Variants in DAP observed in about 807,000 individuals in gnomAD.
The protein encoded by DAP is death associated protein.
Under a neutral mutation model 13.8 loss-of-function variants are expected in DAP, and 8 were observed. The observed-to-expected ratio is 0.58, with a 90% CI of 0.34 to 1.05. DAP has a LOEUF of 1.05. DAP is among the 50% of genes least tolerant of loss of function. DAP has a pLI of 0.03. For missense variants in DAP, 106 were observed against 133.2 expected (o/e 0.80, Z 1.01); for synonymous variants, 47 against 47.5 (o/e 0.99, Z 0.04).
intron 2 of DAP, among the ~76,000 whole-genome samples, chr5:10,708,566 T>A (rs1011692280): frequency 5.3e-5 from 8 of 152,054 alleles, no homozygotes; most frequent in Non-Finnish European, 1.2e-4. Flanking sequence ...CTGATCTCCA[T>A]CCACTCAACT....
intron 2 of DAP, among the ~76,000 whole-genome samples, chr5:10,721,455 G>A (rs1436623908): frequency 6.6e-6 from 1 of 152,172 alleles, no homozygotes. Flanking sequence ...GGGTAAGAAG[G>A]GAGTTACAGT....
At chr5:10,725,845 A>G (rs1049718317) in intron 2 of DAP, among the ~76,000 whole-genome samples, 8 of 152,228 alleles carry the variant, frequency 5.3e-5, no homozygotes, top group African/African-American at 1.9e-4. Context: ...TAGGCATGCC[A>G]TTAGTCTTTC....
At chr5:10,741,222 G>A (rs982772014) in intron 2 of DAP, among the ~76,000 whole-genome samples, 1 of 152,182 alleles carries the variant, frequency 6.6e-6, no homozygotes, top group African/African-American at 2.4e-5. Flanking sequence ...GCGTGGTGGT[G>A]TACACCTCTA....
chr5:10,727,340 G>A (rs1178222275), intron 2 of DAP, among the ~76,000 whole-genome samples: 1 of 152,178 alleles, frequency 6.6e-6, no homozygotes, highest in Non-Finnish European at 1.5e-5. Flanking sequence ...GTGCCTGTGG[G>A]AACGCACAGG....
chr5:10,733,267 C>T (rs1452989164), intron 2 of DAP, among the ~76,000 whole-genome samples: 6 of 151,220 alleles, frequency 4.0e-5, no homozygotes, highest in Non-Finnish European at 8.8e-5. Context: ...GCTTCCACCT[C>T]CTGGCTACTG....
intron 2 of DAP, among the ~76,000 whole-genome samples, chr5:10,733,157 T>C (rs373210356): frequency 0.04 from 482 of 12,020 alleles, 4 homozygotes; most frequent in African/African-American, 0.075. Context: ...TATTCCTGCG[T>C]GTGTGTGTGT....
rs570691494 is a variant in DAP, at chr5:10,679,800, G to C, written c.*1256C>G. The C allele has an allele frequency of 2.0e-5, 3 of 152,546 alleles. No homozygotes were observed. The East Asian group carries it at 5.6e-4, about 29-fold the overall frequency. 9.4% of individuals were successfully genotyped at this position (152,546 alleles called of 1,614,324 possible). On this transcript the variant is annotated 3_prime_UTR_variant, in exon 4 of 4. Coordinates refer to ENST00000230895, the MANE Select transcript of DAP (RefSeq NM_004394.3). ...CACCAGCTGGCAGACGTGAACTGGA[G>C]AACAGCACCAGAAAGGCTGGTGGTT...
chr5:10,681,749 T>C (rs1026080383), intron 3 of DAP, among the ~76,000 whole-genome samples: 8 of 147,572 alleles, frequency 5.4e-5, no homozygotes, highest in African/African-American at 1.8e-4. Context: ...AGCATGGCAG[T>C]TGTATGTGAG....
intron 2 of DAP, among the ~76,000 whole-genome samples, chr5:10,740,283 G>T (rs1321588245): frequency 6.6e-6 from 1 of 152,192 alleles, no homozygotes; most frequent in Non-Finnish European, 1.5e-5. Context: ...GAGAAAAACA[G>T]AGCATCCGAG....
rs555270457 is a variant in DAP at position 10,689,727 on chromosome 5, G to C, written c.153-6156C>G. On this transcript the variant is annotated intron_variant, in intron 2 of 3. Coordinates refer to ENST00000230895, the MANE Select transcript of DAP (RefSeq NM_004394.3). ...CCTATACAAAGTGGCTAGTCATTCTGCTGGATGTGGTGCTGGCGACTTGGC... is the reference window on the plus strand; with the variant it reads ...CCTATACAAAGTGGCTAGTCATTCTCCTGGATGTGGTGCTGGCGACTTGGC... Among the ~76,000 whole-genome samples the C allele has an allele frequency of 2.0e-5, 3 of 152,324 alleles. No individual in the cohort carries two copies. The East Asian group carries it at 5.8e-4, about 29-fold the overall frequency.
In DAP at chr5:10,756,096, C is replaced by A. The variant is rs1421441877; in HGVS notation, c.55+4918G>T. Among the ~76,000 whole-genome samples the A allele has an allele frequency of 1.9e-4, 17 of 91,432 alleles. 3 individuals are homozygous for A. Among genetic ancestry groups the A allele is most frequent in the Admixed American group, 1.8e-3 (17 of 9,710 alleles). The allele number at this position is 91,432 out of a possible 152,430, so 60.0% of individuals were successfully genotyped here. On this transcript the variant is annotated intron_variant, in intron 1 of 3. Transcript: ENST00000230895. ...CCAGGAGGCCAAGGTTGCAGTGAGCCAAGATCACGCCACTGCACTCAAGCC... is the reference window on the plus strand; with the variant it reads ...CCAGGAGGCCAAGGTTGCAGTGAGCAAAGATCACGCCACTGCACTCAAGCC...
At chr5:10,704,448 T>G (rs1738652908) in intron 2 of DAP, among the ~76,000 whole-genome samples, 1 of 152,184 alleles carries the variant, frequency 6.6e-6, no homozygotes, top group Non-Finnish European at 1.5e-5. Flanking sequence ...ACTTCCTATG[T>G]GTCTCTGTGC....
chr5:10,740,291 G>A (rs1739724548), intron 2 of DAP, among the ~76,000 whole-genome samples: 2 of 152,160 alleles, frequency 1.3e-5, no homozygotes, highest in South Asian at 2.1e-4. Context: ...CAGAGCATCC[G>A]AGGCCTGTGA....
At chr5:10,758,074 T>C (rs1740238705) in intron 1 of DAP, among the ~76,000 whole-genome samples, 1 of 152,212 alleles carries the variant, frequency 6.6e-6, no homozygotes, top group South Asian at 2.1e-4. Flanking sequence ...TGATTGAGCA[T>C]TGAGGCACAA....
chr5:10,721,518 C>T (rs913050677), intron 2 of DAP, among the ~76,000 whole-genome samples: 3 of 152,142 alleles, frequency 2.0e-5, no homozygotes, highest in Admixed American at 2.0e-4. Flanking sequence ...TCTACAACTC[C>T]ACAACAGAGA....
chr5:10,722,577 C>T (rs1328936159), intron 2 of DAP, among the ~76,000 whole-genome samples: 1 of 144,396 alleles, frequency 6.9e-6, no homozygotes, highest in Non-Finnish European at 1.5e-5. Flanking sequence ...TACATACATA[C>T]ATATATATAC....
chr5:10,711,786 T>C lies in DAP; in HGVS notation c.153-28215A>G, dbSNP rs112184351. On this transcript the variant is annotated intron_variant, in intron 2 of 3. Coordinates refer to ENST00000230895, the MANE Select transcript of DAP (RefSeq NM_004394.3). ...GCTTCATTAAACCCAAGTTTGGGAC[T>C]CAAGAGCAAGTTAGTTTTTCATTGA... Among the ~76,000 whole-genome samples, 950 of 152,334 alleles carry C rather than the reference T, an allele frequency of 6.2e-3. 8 individuals carry two copies. The highest frequency in any genetic ancestry group is 0.021 in the South Asian group (102 of 4,818).
chr5:10,760,223 A>G (rs1346865218), intron 1 of DAP, among the ~76,000 whole-genome samples: 14 of 152,150 alleles, frequency 9.2e-5, no homozygotes, highest in Admixed American at 5.9e-4. Context: ...TCTGAGACCC[A>G]AGGCCTTTGA....
At chr5:10,760,595 C>G (rs1196586986) in intron 1 of DAP, among the ~76,000 whole-genome samples, 1 of 152,240 alleles carries the variant, frequency 6.6e-6, no homozygotes, top group Non-Finnish European at 1.5e-5. Flanking sequence ...CTGGCAGCCT[C>G]TAATTAATCA....
Sources: gnomAD v4.1 joint callset for allele counts (sites outside exome capture counted in the v4.1 genomes callset) on GRCh38, gnomAD v4.1.1 for gene constraint, MANE v1.5 for transcripts, NCBI Gene and HGNC (gene_info 2026-07-23, HGNC 2026-07-21) for gene names.